FRAS1: variants seen among roughly 807,000 people sequenced by gnomAD.
FRAS1 encodes the protein extracellular matrix organizing protein FRAS1.
In FRAS1, 290 loss-of-function variants were observed where a neutral mutation model predicts 435.2. The ratio of observed to expected loss-of-function variants is 0.67; its 90% CI spans 0.61 to 0.73. The LOEUF is 0.73. FRAS1 is among the 30% of genes least tolerant of loss of function. FRAS1 has a pLI of 0.00. For synonymous variants in FRAS1, 1,800 were observed against 1,851.0 expected (o/e 0.97, Z 0.71); for missense variants, 4,860 against 5,001.5 (o/e 0.97, Z 0.85).
intron 47 of FRAS1, among the ~76,000 whole-genome samples, chr4:78,462,145 G>C (rs1052184020): frequency 1.3e-5 from 2 of 152,156 alleles, no homozygotes; most frequent in African/African-American, 4.8e-5. Context: ...CGAGGCAGGC[G>C]GATCACCTGA....
chr4:78,060,854 AT>A (rs907905625), intron 1 of FRAS1, among the ~76,000 whole-genome samples: 9 of 149,964 alleles, frequency 6.0e-5, no homozygotes, highest in Admixed American at 1.3e-4. Flanking sequence ...TATTTTTATT[AT>A]TTTTTTTTTG....
chr4:78,129,899 T>C (rs1719597703), intron 2 of FRAS1, among the ~76,000 whole-genome samples: 1 of 152,138 alleles, frequency 6.6e-6, no homozygotes, highest in Non-Finnish European at 1.5e-5. Context: ...CTCTCTCTAA[T>C]TTTCCAGTCT....
intron 55 of FRAS1, among the ~76,000 whole-genome samples, 186 bp from the exon 56 acceptor site, chr4:78,479,188 T>G (rs1719938034): frequency 1.3e-5 from 2 of 152,222 alleles, no homozygotes; most frequent in Admixed American, 6.5e-5. Context: ...TGGGGTATAT[T>G]AAATCCTCAA....
intron 2 of FRAS1, among the ~76,000 whole-genome samples, chr4:78,227,516 T>A (rs1009826976): frequency 6.6e-6 from 1 of 152,186 alleles, no homozygotes; most frequent in African/African-American, 2.4e-5. Flanking sequence ...GAAACACACT[T>A]AGTAGGATGT....
intron 49 of FRAS1, 28 bp from the exon 50 acceptor site, chr4:78,466,179 TC>T: frequency 6.3e-7 from 1 of 1,597,248 alleles, no homozygotes; most frequent in Non-Finnish European, 8.6e-7. Flanking sequence ...TGAGCTTCCC[TC>T]CCCTCTGGTA....
intron 20 of FRAS1, among the ~76,000 whole-genome samples, chr4:78,341,225 T>G (rs935812744): frequency 6.6e-6 from 1 of 152,112 alleles, no homozygotes; most frequent in Admixed American, 6.5e-5. Context: ...AGGCAGAACA[T>G]TTCAGAAAAT....
At chr4:78,505,625 C>T (rs993302873) in intron 61 of FRAS1, among the ~76,000 whole-genome samples, 4 of 152,154 alleles carry the variant, frequency 2.6e-5, no homozygotes, top group East Asian at 3.9e-4. Flanking sequence ...GTTAGCCATT[C>T]GTCTACCCTT....
intron 2 of FRAS1, among the ~76,000 whole-genome samples, chr4:78,165,917 G>T: frequency 6.6e-6 from 1 of 152,118 alleles, no homozygotes; most frequent in East Asian, 1.9e-4. Flanking sequence ...CATTCTGTTT[G>T]GTGGAAGCAA....
rs889106781 is a variant in FRAS1 at position 78,541,848 on chromosome 4, A to G, written c.*724A>G. The G allele has an allele frequency of 6.6e-6, 1 of 152,220 alleles. No homozygotes were observed. The highest frequency in any genetic ancestry group is 2.4e-5 in the African/African-American group (1 of 41,456). 9.4% of individuals were successfully genotyped at this position (152,220 alleles called of 1,614,324 possible). On this transcript the variant is annotated 3_prime_UTR_variant, in exon 74 of 74. Coordinates refer to ENST00000512123, the MANE Select transcript of FRAS1 (RefSeq NM_025074.7). The stretch of plus-strand genomic sequence containing the variant: ...CCTGGCAGGCGTATCAGAGCACATT[A>G]GTGATGCCCTTCACCCCAGGGAGGT...
At chr4:78,063,147 T>C (rs1270530762) in intron 1 of FRAS1, among the ~76,000 whole-genome samples, 1 of 152,116 alleles carries the variant, frequency 6.6e-6, no homozygotes, top group Non-Finnish European at 1.5e-5. Flanking sequence ...AGTCGAGAGA[T>C]GAATTTTGTT....
At chr4:78,531,569 T>C (rs1264570091) in intron 70 of FRAS1, among the ~76,000 whole-genome samples, 1 of 152,168 alleles carries the variant, frequency 6.6e-6, no homozygotes, top group Non-Finnish European at 1.5e-5. Flanking sequence ...TATTTTATCG[T>C]AGGCCTTTTC....
chr4:78,192,558 G>T (rs189670514), intron 2 of FRAS1, among the ~76,000 whole-genome samples: 36 of 152,234 alleles, frequency 2.4e-4, no homozygotes, highest in Middle Eastern at 6.8e-3. Flanking sequence ...GTTTATTTGC[G>T]TAGAGGTGTT....
At chr4:78,281,180 A>G (rs1391580862) in intron 10 of FRAS1, among the ~76,000 whole-genome samples, 2 of 152,234 alleles carry the variant, frequency 1.3e-5, no homozygotes, top group African/African-American at 2.4e-5. Context: ...ACTCAGGCAC[A>G]AAGTGAGAAT....
chr4:78,212,669 G>C (rs1723567285), intron 2 of FRAS1, among the ~76,000 whole-genome samples: 1 of 152,186 alleles, frequency 6.6e-6, no homozygotes, highest in South Asian at 2.1e-4. Context: ...TCAAATGTAT[G>C]ATGTCAACTT....
chr4:78,346,807 T>TC (rs1323084337), intron 20 of FRAS1, among the ~76,000 whole-genome samples: 1 of 152,256 alleles, frequency 6.6e-6, no homozygotes, highest in East Asian at 1.9e-4. Flanking sequence ...GGGGAGCTCC[T>TC]CCCCCAGTGT....
At chr4:78,434,341 A>G (rs116148778) in intron 38 of FRAS1, among the ~76,000 whole-genome samples, 294 of 152,300 alleles carry the variant, frequency 1.9e-3, no homozygotes, top group Non-Finnish European at 3.0e-3. Context: ...ACAGGAAAAG[A>G]ACAGCATGGG....
At position 78,513,544 on chromosome 4, in the gene FRAS1, G is replaced by C. The variant is rs745919146; in HGVS notation, c.10166G>C (p.Gly3389Ala). 8.7e-6 allele frequency: 14 copies of C among 1,613,304 alleles called. No homozygotes were observed. Among genetic ancestry groups the C allele is most frequent in the African/African-American group, 6.7e-5 (5 of 74,878 alleles). ...SNLVTTYDLR[G>A]ISEAGFLDDV... ...TTAGTTACCACCTATGACCTGAGAGGCATCTCAGGTGAGATTGACAAGTTC... is the reference window on the plus strand; with the variant it reads ...TTAGTTACCACCTATGACCTGAGAGCCATCTCAGGTGAGATTGACAAGTTC... The change falls in exon 65 of 74, where the codon GGC becomes GCC. Residue 3389 changes from glycine to alanine, a missense_variant. Physicochemically the swap from Gly to Ala is moderately conservative, Grantham distance 60. Transcript: ENST00000512123.
rs1179713956 is a variant in FRAS1, at chr4:78,445,987, T to A, written c.5856+275T>A. 14 of 1,264,548 alleles carry A rather than the reference T, an allele frequency of 1.1e-5. No individual in the cohort carries two copies. The East Asian group carries it at 4.2e-4, about 38-fold the overall frequency. The allele number at this position is 1,264,548 out of a possible 1,614,324, so 78.3% of individuals were successfully genotyped here. On this transcript the variant is annotated intron_variant, in intron 42 of 73. Transcript: ENST00000512123. ...GAAGGTCAGAGATGCTTTGCCAGTCTCATATATAAATGAAAACTTACATAT... is the reference window on the plus strand; with the variant it reads ...GAAGGTCAGAGATGCTTTGCCAGTCACATATATAAATGAAAACTTACATAT...
chr4:78,166,807 T>A (rs996561661), intron 2 of FRAS1, among the ~76,000 whole-genome samples: 2 of 152,024 alleles, frequency 1.3e-5, no homozygotes, highest in Non-Finnish European at 2.9e-5. Flanking sequence ...AGAAAAAAAA[T>A]GTGTGATACT....
Sources: allele counts gnomAD v4.1 joint callset (sites outside exome capture counted in the v4.1 genomes callset), GRCh38; gene constraint gnomAD v4.1.1; transcripts MANE v1.5; gene names NCBI Gene and HGNC (gene_info 2026-07-23, HGNC 2026-07-21).